Variants in CHST9 observed in about 807,000 individuals in gnomAD.
CHST9 encodes carbohydrate sulfotransferase 9.
Under a neutral mutation model 44.4 loss-of-function variants are expected in CHST9, and 41 were observed. The ratio of observed to expected loss-of-function variants is 0.92; its 90% confidence interval spans 0.72 to 1.20. The LOEUF is 1.20. Ranked by LOEUF, CHST9 falls within the 50% of genes most tolerant of loss-of-function variation. The pLI is 0.00. For synonymous variants in CHST9, 171 were observed against 178.4 expected (o/e 0.96, Z 0.33); for missense variants, 504 against 516.5 (o/e 0.98, Z 0.23).
chr18:26,938,839 G>C (rs1320796096), intron 5 of CHST9, among the ~76,000 whole-genome samples: 2 of 152,090 alleles, frequency 1.3e-5, no homozygotes, highest in African/African-American at 4.8e-5. Context: ...TCTGTTTTTG[G>C]TTTAGAATCC....
chr18:26,908,864 A>T lies in CHST9; in HGVS notation c.*7395T>A, dbSNP rs546777034. On this transcript the variant is annotated 3_prime_UTR_variant, in exon 6 of 6. Transcript: ENST00000618847. ...CTGGGGCACTTGCTCTCAAACTAAT[A>T]ACCAAATAGCAAATATTTTCCATTT... is the stretch of plus-strand genomic sequence containing the variant. 2 of 152,358 alleles carry T rather than the reference A, an allele frequency of 1.3e-5. No individual in the cohort carries two copies. Among genetic ancestry groups the T allele is most frequent in the Non-Finnish European group, 2.9e-5 (2 of 68,030 alleles). 9.4% of individuals were successfully genotyped at this position (152,358 alleles called of 1,614,324 possible).
chr18:27,175,819 C>T (rs1366023505), intron 1 of CHST9, among the ~76,000 whole-genome samples: 11 of 151,888 alleles, frequency 7.2e-5, no homozygotes, highest in Non-Finnish European at 1.6e-4. Flanking sequence ...AGATGGATCC[C>T]TATCTTAGCG....
chr18:27,067,670 G>A (rs932738980), intron 2 of CHST9, among the ~76,000 whole-genome samples: 6 of 152,106 alleles, frequency 3.9e-5, no homozygotes, highest in Middle Eastern at 3.4e-3. Context: ...CTTGCGTAAA[G>A]CAGCTTTTTA....
chr18:27,057,057 C>G (rs1295735837), intron 2 of CHST9, among the ~76,000 whole-genome samples: 1 of 152,166 alleles, frequency 6.6e-6, no homozygotes, highest in Non-Finnish European at 1.5e-5. Flanking sequence ...TGTGGACTGC[C>G]AATAGTCTAA....
intron 5 of CHST9, among the ~76,000 whole-genome samples, chr18:26,938,486 C>G (rs1386015432): frequency 2.6e-5 from 4 of 152,160 alleles, no homozygotes; most frequent in Admixed American, 2.0e-4. Context: ...TAGTGCCAAA[C>G]TTGCAAAGAG....
At chr18:27,019,553 A>C (rs1222416593) in intron 4 of CHST9, among the ~76,000 whole-genome samples, 8 of 150,058 alleles carry the variant, frequency 5.3e-5, no homozygotes, top group Non-Finnish European at 7.4e-5. Flanking sequence ...AAGGAGTCAG[A>C]GTCAGAAGAG....
At chr18:27,056,726 A>G (rs1312579370) in intron 2 of CHST9, among the ~76,000 whole-genome samples, 7 of 152,192 alleles carry the variant, frequency 4.6e-5, no homozygotes, top group Admixed American at 4.6e-4. Context: ...CCTTAATAGC[A>G]TATAATAATT....
At chr18:26,978,308 T>A (rs1295312360) in intron 4 of CHST9, among the ~76,000 whole-genome samples, 2 of 151,454 alleles carry the variant, frequency 1.3e-5, no homozygotes, top group African/African-American at 4.8e-5. Flanking sequence ...TGTGTGCTGC[T>A]CTTCAGAGTA....
chr18:27,098,710 C>T (rs968960745), intron 2 of CHST9, among the ~76,000 whole-genome samples: 6 of 151,978 alleles, frequency 3.9e-5, no homozygotes, highest in Non-Finnish European at 7.4e-5. Context: ...GAACAGAAAA[C>T]CAAACACTGC....
At chr18:27,060,777 T>C (rs1178453040) in intron 2 of CHST9, among the ~76,000 whole-genome samples, 4 of 152,184 alleles carry the variant, frequency 2.6e-5, no homozygotes, top group East Asian at 1.9e-4. Context: ...TCATTTGACA[T>C]TTCTGGCTAA....
At chr18:27,030,583 C>T (rs942238867) in intron 3 of CHST9, among the ~76,000 whole-genome samples, 5 of 152,194 alleles carry the variant, frequency 3.3e-5, no homozygotes, top group Non-Finnish European at 5.9e-5. Context: ...CTTGCCTGTG[C>T]GGAGGCAGCT....
intron 3 of CHST9, among the ~76,000 whole-genome samples, chr18:27,047,834 A>T (rs1000041010): frequency 1.3e-5 from 2 of 152,128 alleles, no homozygotes; most frequent in African/African-American, 4.8e-5. Context: ...CTATGCAAAG[A>T]TCGACTTGGT....
At chr18:26,984,985 A>G (rs906965531) in intron 4 of CHST9, among the ~76,000 whole-genome samples, 1 of 152,168 alleles carries the variant, frequency 6.6e-6, no homozygotes, top group African/African-American at 2.4e-5. Flanking sequence ...CATCACCCAG[A>G]AATTCCACTT....
At chr18:26,930,108 C>A (rs1347308895) in intron 5 of CHST9, among the ~76,000 whole-genome samples, 5 of 152,184 alleles carry the variant, frequency 3.3e-5, no homozygotes, top group African/African-American at 1.2e-4. Context: ...ATGTCACTTG[C>A]ATATTTGACA....
At chr18:27,102,277 G>A (rs193270671) in intron 2 of CHST9, among the ~76,000 whole-genome samples, 28 of 152,304 alleles carry the variant, frequency 1.8e-4, no homozygotes, top group African/African-American at 6.7e-4. Context: ...TAGGGTAAAT[G>A]TAAGTAAGCA....
intron 1 of CHST9, among the ~76,000 whole-genome samples, chr18:27,183,781 T>TA (rs772985975): frequency 1.1e-4 from 16 of 152,248 alleles, no homozygotes; most frequent in Non-Finnish European, 1.8e-4. Context: ...TGAGCAATAA[T>TA]AAAAAGTGGT....
At chr18:27,159,378 T>C (rs1365343657) in intron 1 of CHST9, among the ~76,000 whole-genome samples, 1 of 152,226 alleles carries the variant, frequency 6.6e-6, no homozygotes, top group Admixed American at 6.5e-5. Flanking sequence ...CCTTTCCCCA[T>C]TTCTTGTTTT....
intron 1 of CHST9, among the ~76,000 whole-genome samples, chr18:27,153,313 TTC>T (rs942398803): frequency 6.6e-6 from 1 of 152,126 alleles, no homozygotes; most frequent in Non-Finnish European, 1.5e-5. Flanking sequence ...CAGAAATGTA[TTC>T]TGTTACAGTT....
intron 2 of CHST9, among the ~76,000 whole-genome samples, chr18:27,050,597 T>C (rs1226575096): frequency 6.6e-6 from 1 of 152,222 alleles, no homozygotes; most frequent in Admixed American, 6.5e-5. Flanking sequence ...TTCATTTAAC[T>C]GGCACCTTGA....
Sources: allele counts gnomAD v4.1 joint callset (sites outside exome capture counted in the v4.1 genomes callset), GRCh38; gene constraint gnomAD v4.1.1; transcripts MANE v1.5; gene names NCBI Gene and HGNC (gene_info 2026-07-23, HGNC 2026-07-21).